FAM227A: variants seen among roughly 807,000 people sequenced by gnomAD.
The protein encoded by FAM227A is family with sequence similarity 227 member A, also known as protein FAM227A.
Under a neutral mutation model 74.7 loss-of-function variants are expected in FAM227A, and 80 were observed. The ratio of observed to expected loss-of-function variants is 1.07; its 90% confidence interval spans 0.89 to 1.29. FAM227A has a LOEUF of 1.29. Ranked by LOEUF, FAM227A falls within the 50% of genes most tolerant of loss-of-function variation. FAM227A has a pLI of 0.00. For missense variants in FAM227A, 654 were observed against 683.4 expected (o/e 0.96, Z 0.48); for synonymous variants, 237 against 241.8 (o/e 0.98, Z 0.19).
chr22:38,620,063 A>C (rs2091654598), intron 11 of FAM227A, 149 bp downstream of exon 11: 2 of 607,532 alleles, frequency 3.3e-6, no homozygotes, highest in African/African-American at 3.7e-5. Flanking sequence ...GAGGCCTCCC[A>C]GGGCTCCTCA....
chr22:38,588,023 A>G (rs2090845319), intron 16 of FAM227A, among the ~76,000 whole-genome samples: 1 of 152,202 alleles, frequency 6.6e-6, no homozygotes, highest in Non-Finnish European at 1.5e-5. Flanking sequence ...ATGATAATAA[A>G]CAATCAGAAA....
intron 13 of FAM227A, among the ~76,000 whole-genome samples, chr22:38,600,883 C>T (rs1274491774): frequency 1.3e-5 from 2 of 148,900 alleles, no homozygotes; most frequent in Non-Finnish European, 3.0e-5. Flanking sequence ...ATCTGGGAGG[C>T]GGAGGTTGCA....
rs1251221711 is a variant in FAM227A at position 38,628,293 on chromosome 22, T to C, written c.671A>G (p.Tyr224Cys). The C allele has an allele frequency of 2.6e-6, 4 of 1,551,620 alleles. No homozygotes were observed. Among genetic ancestry groups the C allele is most frequent in the Non-Finnish European group, 2.6e-6 (3 of 1,146,938 alleles). Residue 224 changes from tyrosine (Y) to cysteine (C), a missense_variant, in exon 8 of 17, where the codon TAT becomes TGT. Coordinates refer to ENST00000535113, the MANE Select transcript of FAM227A (RefSeq NM_001013647.2). ...NNLFDRIAQH[Y>C]ALLLFRVPKS... Reference sequence around the variant, plus strand: ...GGGTACACGAAACAAAAGTAAGGCATAGTGCTGGGCTATCCGGTCAAACAG... The same window carrying C: ...GGGTACACGAAACAAAAGTAAGGCACAGTGCTGGGCTATCCGGTCAAACAG...
rs1422393945 is a variant in FAM227A, at chr22:38,579,709, A to G, written c.*6416T>C. On this transcript the variant is annotated 3_prime_UTR_variant, in exon 17 of 17. Transcript: ENST00000535113. Reference sequence around the variant, plus strand: ...CCCATATTATTTGAGTACAAATTCCATAAATCTTGTAATTCCATCTGTGAA... The same window carrying G: ...CCCATATTATTTGAGTACAAATTCCGTAAATCTTGTAATTCCATCTGTGAA... 6.6e-6 allele frequency: 1 copy of G among 152,192 alleles called. No individual in the cohort carries two copies. 9.4% of individuals were successfully genotyped at this position (152,192 alleles called of 1,614,324 possible).
intron 2 of FAM227A, among the ~76,000 whole-genome samples, chr22:38,648,192 G>C (rs1248837722): frequency 4.6e-5 from 7 of 151,920 alleles, no homozygotes; most frequent in Non-Finnish European, 1.0e-4. Context: ...GAGGATGAAC[G>C]AAGACAGGGC....
intron 14 of FAM227A, 33 bp from the exon 15 acceptor site, chr22:38,597,389 G>A (rs1339769758): frequency 1.0e-5 from 16 of 1,548,820 alleles, no homozygotes; most frequent in Non-Finnish European, 1.3e-5. Context: ...TCCCCGTACT[G>A]TGGAACTGTG....
At chr22:38,613,312 C>CATATAATATATATCAT (rs1555960117) in intron 11 of FAM227A, among the ~76,000 whole-genome samples, 14,649 of 56,170 alleles carry the variant, frequency 0.26, 2,105 homozygotes, top group East Asian at 0.31. Context: ...TAATATATAA[C>CATATAATATATATCAT]ATATAATATA....
At position 38,639,714 on chromosome 22, in the gene FAM227A, C is replaced by G. The variant is rs1179835711; in HGVS notation, c.236G>C (p.Arg79Thr). 1 of 1,551,080 alleles carries G rather than the reference C, an allele frequency of 6.4e-7. No individual in the cohort carries two copies. Among genetic ancestry groups the G allele is most frequent in the Admixed American group, 2.0e-5 (1 of 51,000 alleles). ...EPSANSLAIE[R>T]FELEKKALRE... The stretch of plus-strand genomic sequence containing the variant: ...TAAAGCCTTCTTCTCCAACTCAAAT[C>G]TCTCAATTGCCTTCAAAAACCAAGA... The change falls in exon 4 of 17, where the codon AGA becomes ACA. Residue 79 changes from arginine to threonine, a missense_variant. Transcript: ENST00000535113.
In FAM227A at chr22:38,626,293, G is replaced by T; in HGVS notation, c.737C>A (p.Ser246Ter). Residue 246 changes from serine (S) to a stop codon, truncating the protein, a stop_gained, in exon 9 of 17, where the codon TCA (serine) becomes TAA (stop). Transcript: ENST00000535113. LOFTEE classifies it high-confidence loss of function. ...GGTGTACACGGCTTTGCTGAGAAGT[G>T]ATGGCAGCCTCTGCGGAGCAAGCCG... ...SEEALLKRLP[S>*]LLSKAVYTSF... 6.4e-7 allele frequency: 1 copy of T among 1,551,268 alleles called. No homozygotes were observed. Among genetic ancestry groups the T allele is most frequent in the Non-Finnish European group, 8.7e-7 (1 of 1,146,762 alleles).
intron 16 of FAM227A, among the ~76,000 whole-genome samples, chr22:38,590,670 T>G (rs1282832771): frequency 6.6e-6 from 1 of 152,220 alleles, no homozygotes; most frequent in Admixed American, 6.5e-5. Context: ...ATACAGTTCA[T>G]GAAGTACATA....
At chr22:38,591,728 C>T (rs935433229) in intron 15 of FAM227A, among the ~76,000 whole-genome samples, 188 bp from the exon 16 acceptor site, 2 of 152,122 alleles carry the variant, frequency 1.3e-5, no homozygotes, top group Admixed American at 6.5e-5. Context: ...ATACTGAGCA[C>T]GCCCATGTAA....
At chr22:38,636,701 T>C (rs908662376) in intron 5 of FAM227A, 104 bp from the exon 6 acceptor site, 3 of 1,059,092 alleles carry the variant, frequency 2.8e-6, no homozygotes, top group African/African-American at 1.6e-5. Flanking sequence ...AACAACCTTA[T>C]AGAATGTTGA....
At chr22:38,642,647 T>C (rs2145690858) in intron 3 of FAM227A, among the ~76,000 whole-genome samples, 1 of 152,254 alleles carries the variant, frequency 6.6e-6, no homozygotes, top group South Asian at 2.1e-4. Context: ...CCCAAAATAT[T>C]CAAAGAGGCC....
intron 13 of FAM227A, among the ~76,000 whole-genome samples, chr22:38,605,043 C>T (rs941737034): frequency 1.3e-5 from 2 of 152,158 alleles, no homozygotes; most frequent in Non-Finnish European, 2.9e-5. Context: ...CTGCTCCCAG[C>T]ATCACTTTGC....
intron 16 of FAM227A, 49 bp downstream of exon 16, chr22:38,591,386 G>A (rs1412151399): frequency 6.5e-7 from 1 of 1,536,264 alleles, no homozygotes; most frequent in Non-Finnish European, 8.8e-7. Context: ...CCTTTCCCAT[G>A]GTTTTTGTTC....
chr22:38,619,248 T>C (rs1471743271), intron 11 of FAM227A, among the ~76,000 whole-genome samples: 1 of 152,210 alleles, frequency 6.6e-6, no homozygotes, highest in African/African-American at 2.4e-5. Context: ...CAAGTCAGTC[T>C]ACTAAAGGCC....
At chr22:38,608,155 CA>C (rs35387385) in intron 11 of FAM227A, among the ~76,000 whole-genome samples, 29,500 of 77,106 alleles carry the variant, frequency 0.38, 2,947 homozygotes, top group African/African-American at 0.43. Context: ...CTTTTCTCTA[CA>C]AAAAAAAAAA....
At chr22:38,644,791 A>G (rs1055264573) in intron 3 of FAM227A, among the ~76,000 whole-genome samples, 2 of 152,180 alleles carry the variant, frequency 1.3e-5, no homozygotes, top group East Asian at 1.9e-4. Context: ...TAATTGCTCT[A>G]AAAAATAAAG....
intron 4 of FAM227A, among the ~76,000 whole-genome samples, chr22:38,639,409 G>GAA (rs532672330): frequency 1.4e-4 from 15 of 105,482 alleles, no homozygotes; most frequent in Non-Finnish European, 2.2e-4. Context: ...ACTCCGTCTC[G>GAA]AAAAAAAAAA....
Sources: gnomAD v4.1 joint callset for allele counts (sites outside exome capture counted in the v4.1 genomes callset) on GRCh38, gnomAD v4.1.1 for gene constraint, MANE v1.5 for transcripts, NCBI Gene and HGNC (gene_info 2026-07-23, HGNC 2026-07-21) for gene names.